THSD4: variants seen among roughly 807,000 people sequenced by gnomAD.
THSD4 encodes the protein thrombospondin type-1 domain-containing protein 4.
THSD4 carries 69 observed loss-of-function variants against 119.0 expected under a neutral mutation model. The observed-to-expected ratio is 0.58, with a 90% CI of 0.48 to 0.71. The LOEUF (loss-of-function observed/expected upper bound fraction) is 0.71. THSD4 is among the 30% of genes least tolerant of loss of function. The probability of loss-of-function intolerance (pLI) is 0.00; values close to 1 mark genes in which losing one functional copy is unlikely to be tolerated. For missense variants in THSD4, 1,393 were observed against 1,391.1 expected (o/e 1.00, Z -0.02); for synonymous variants, 524 against 540.4 (o/e 0.97, Z 0.42).
chr15:71,714,736 C>T (rs2052574821), intron 8 of THSD4, among the ~76,000 whole-genome samples: 1 of 152,040 alleles, frequency 6.6e-6, no homozygotes, highest in South Asian at 2.1e-4. Context: ...ATCCTAGCTA[C>T]TTGGGAGGCT....
At chr15:71,365,413 C>A (rs1281986598) in intron 6 of THSD4, among the ~76,000 whole-genome samples, 3 of 152,102 alleles carry the variant, frequency 2.0e-5, no homozygotes, top group Non-Finnish European at 4.4e-5. Context: ...AGCCTAACCC[C>A]AGGGCACCCC....
intron 7 of THSD4, among the ~76,000 whole-genome samples, chr15:71,428,117 A>G (rs1215150797): frequency 6.6e-6 from 1 of 152,200 alleles, no homozygotes; most frequent in Non-Finnish European, 1.5e-5. Flanking sequence ...TGGGCCAGAT[A>G]GTCCACTTCT....
chr15:71,115,501 G>T lies in THSD4; in HGVS notation c.-277G>T, dbSNP rs1324408162. 1 of 151,888 alleles carries T rather than the reference G, an allele frequency of 6.6e-6. No homozygotes were observed. Among genetic ancestry groups the T allele is most frequent in the Admixed American group, 6.6e-5 (1 of 15,260 alleles). 9.4% of individuals were successfully genotyped at this position (151,888 alleles called of 1,614,324 possible). Reference sequence around the variant, plus strand: ...CTCTGAGCCAGAGCTCTCCGCGCGCGCCTGAACCGCTGGCCGCCCGCGCAG... The same window carrying T: ...CTCTGAGCCAGAGCTCTCCGCGCGCTCCTGAACCGCTGGCCGCCCGCGCAG... On this transcript the variant is annotated 5_prime_UTR_variant, in exon 1 of 18. Coordinates refer to ENST00000261862, the MANE Select transcript of THSD4 (RefSeq NM_024817.3). The surrounding 1 kb of genome is among the most constrained non-coding windows in gnomAD (Gnocchi z 4.4).
intron 7 of THSD4, among the ~76,000 whole-genome samples, chr15:71,531,040 G>A (rs967596460): frequency 6.6e-6 from 1 of 152,130 alleles, no homozygotes; most frequent in Non-Finnish European, 1.5e-5. Context: ...AGACCTGAAG[G>A]AGTGGTCCTT....
intron 6 of THSD4, among the ~76,000 whole-genome samples, chr15:71,329,255 G>C (rs1373642740): frequency 4.6e-5 from 7 of 152,148 alleles, no homozygotes; most frequent in African/African-American, 1.7e-4. Flanking sequence ...TGGCTGCCTG[G>C]CGACAGGGAG....
intron 7 of THSD4, among the ~76,000 whole-genome samples, chr15:71,592,632 A>G (rs914366629): frequency 2.0e-5 from 3 of 151,900 alleles, no homozygotes; most frequent in Non-Finnish European, 2.9e-5. Context: ...ATTCACTTTT[A>G]TAGATAGGTC....
chr15:71,349,805 C>A (rs942654339), intron 6 of THSD4, among the ~76,000 whole-genome samples: 2 of 152,068 alleles, frequency 1.3e-5, no homozygotes. Context: ...GGTCCTTACT[C>A]TTAGAGGCAG....
chr15:71,149,887 A>T (rs2040703231), intron 2 of THSD4, among the ~76,000 whole-genome samples: 1 of 152,160 alleles, frequency 6.6e-6, no homozygotes, highest in Admixed American at 6.5e-5. Flanking sequence ...CTCCAGTTCC[A>T]TGATGTAAAT....
chr15:71,425,519 C>G (rs2046856105), intron 7 of THSD4, among the ~76,000 whole-genome samples: 1 of 152,126 alleles, frequency 6.6e-6, no homozygotes, highest in African/African-American at 2.4e-5. Flanking sequence ...GAATAAAGTC[C>G]CAACCCTTCA....
chr15:71,106,518 C>G (rs2040274827), intron 1 of THSD4, among the ~76,000 whole-genome samples: 1 of 152,262 alleles, frequency 6.6e-6, no homozygotes, highest in Non-Finnish European at 1.5e-5. Context: ...GCCTGCCTGA[C>G]CCATGCAGGA....
At chr15:71,747,109 C>T (rs1363784640) in intron 13 of THSD4, 67 bp downstream of exon 13, 3 of 1,508,130 alleles carry the variant, frequency 2.0e-6, no homozygotes, top group East Asian at 4.9e-5. Flanking sequence ...CCAGCCTCCC[C>T]CACCAAGACC....
intron 7 of THSD4, among the ~76,000 whole-genome samples, chr15:71,638,529 C>G (rs780805689): frequency 6.6e-6 from 1 of 152,190 alleles, no homozygotes; most frequent in Non-Finnish European, 1.5e-5. Flanking sequence ...AACAGTATGT[C>G]TTTTCTATAT....
chr15:71,263,037 G>A (rs534811921), intron 6 of THSD4, among the ~76,000 whole-genome samples: 1 of 152,020 alleles, frequency 6.6e-6, no homozygotes, highest in African/African-American at 2.4e-5. Context: ...GTCATGGGGG[G>A]TTGTTATACA....
At chr15:71,608,662 A>G (rs1228228368) in intron 7 of THSD4, among the ~76,000 whole-genome samples, 2 of 152,160 alleles carry the variant, frequency 1.3e-5, no homozygotes, top group African/African-American at 4.8e-5. Context: ...GGCCATGAGC[A>G]TTTTAAGTGT....
intron 7 of THSD4, among the ~76,000 whole-genome samples, chr15:71,613,705 G>A (rs185552895): frequency 6.6e-6 from 1 of 152,180 alleles, no homozygotes; most frequent in African/African-American, 2.4e-5. Flanking sequence ...TTTCTTCTGT[G>A]CACACACAGG....
intron 6 of THSD4, among the ~76,000 whole-genome samples, chr15:71,383,999 C>T (rs1406522916): frequency 1.3e-5 from 2 of 151,548 alleles, no homozygotes; most frequent in Non-Finnish European, 2.9e-5. Flanking sequence ...CAATTTAGTT[C>T]AATAGGTGGT....
intron 6 of THSD4, among the ~76,000 whole-genome samples, chr15:71,262,365 G>A (rs559750840): frequency 3.9e-5 from 6 of 152,098 alleles, no homozygotes; most frequent in Non-Finnish European, 7.4e-5. Context: ...TATGCCTGTC[G>A]TCCCAGTCCC....
intron 7 of THSD4, among the ~76,000 whole-genome samples, chr15:71,521,854 T>G (rs915482303): frequency 2.0e-5 from 3 of 152,234 alleles, no homozygotes; most frequent in Non-Finnish European, 4.4e-5. Flanking sequence ...AGACTCCAGA[T>G]GCCAAAATGA....
At chr15:71,660,431 A>T in intron 7 of THSD4, 99 bp from the exon 8 acceptor site, 1 of 1,432,052 alleles carries the variant, frequency 7.0e-7, no homozygotes, top group Non-Finnish European at 9.7e-7. Flanking sequence ...TTTCGTAAAT[A>T]GCTAGAAAAG....
Sources: allele counts gnomAD v4.1 joint callset (sites outside exome capture counted in the v4.1 genomes callset), GRCh38; gene constraint gnomAD v4.1.1; non-coding constraint Gnocchi (gnomAD v3.1); transcripts MANE v1.5; gene names NCBI Gene and HGNC (gene_info 2026-07-23, HGNC 2026-07-21).